ISCA1: variants seen among roughly 807,000 people sequenced by gnomAD.
The protein encoded by ISCA1 is iron-sulfur cluster assembly 1 homolog, mitochondrial.
Under a neutral mutation model 14.7 loss-of-function variants are expected in ISCA1, and 9 were observed. That is an observed-to-expected ratio of 0.61 (90% confidence interval 0.37 to 1.07). ISCA1 has a LOEUF of 1.07. Among genes scored for constraint, ISCA1 ranks in the 50% least tolerant of loss-of-function variants. The pLI is 0.01. For missense variants in ISCA1, 102 were observed against 150.1 expected, an observed-to-expected ratio of 0.68 and a Z score of 1.67; for synonymous variants, 38 against 54.3, an observed-to-expected ratio of 0.70 and a Z score of 1.32.
intron 1 of ISCA1, among the ~76,000 whole-genome samples, chr9:86,277,771 C>T (rs1469742364): frequency 6.6e-6 from 1 of 152,130 alleles, no homozygotes; most frequent in Non-Finnish European, 1.5e-5. Flanking sequence ...TTAAGAGCTT[C>T]CTGAAGCCCA....
chr9:86,268,060 G>A (rs1187697577), intron 3 of ISCA1, among the ~76,000 whole-genome samples: 2 of 151,832 alleles, frequency 1.3e-5, no homozygotes, highest in Non-Finnish European at 2.9e-5. Context: ...ACTGCTTTAT[G>A]TATTTACTAT....
Position 86,265,564 on chromosome 9 carries a change from G to T in ISCA1, c.*479C>A. 1 of 202,532 alleles carries T rather than the reference G, an allele frequency of 4.9e-6. No individual in the cohort carries two copies. The highest frequency in any genetic ancestry group is 1.0e-5 in the Non-Finnish European group (1 of 98,008). 12.5% of individuals were successfully genotyped at this position (202,532 alleles called of 1,614,324 possible). On this transcript the variant is annotated 3_prime_UTR_variant, in exon 4 of 4. Transcript: ENST00000375991. ...GTACTATTAAAGAGTATGCAGTGAG[G>T]CAGCTGACAATGAAATTTTTCATAA...
Position 86,282,503 on chromosome 9 carries a change from G to C in ISCA1, c.-45C>G. 6.5e-7 allele frequency: 1 copy of C among 1,549,846 alleles called. No homozygotes were observed. Among genetic ancestry groups the C allele is most frequent in the Non-Finnish European group, 8.7e-7 (1 of 1,146,672 alleles). ...CGGTGCCTCGGGCCGAAGGTCGGCC[G>C]CCTCAGCTTCTCTCCATGGACACGG... On this transcript the variant is annotated 5_prime_UTR_variant, in exon 1 of 4. Transcript: ENST00000375991.
chr9:86,265,803 A>C lies in ISCA1; in HGVS notation c.*240T>G. On this transcript the variant is annotated 3_prime_UTR_variant, in exon 4 of 4. Coordinates refer to ENST00000375991, the MANE Select transcript of ISCA1 (RefSeq NM_030940.4). ...GTGCCCAGGAAGGCAACTTTAATGA[A>C]ACTGGTTCTAAAACAAAGGATACAA... The C allele has an allele frequency of 1.6e-6, 1 of 629,048 alleles. No individual in the cohort carries two copies. Among genetic ancestry groups the C allele is most frequent in the Non-Finnish European group, 2.8e-6 (1 of 359,230 alleles). 39.0% of individuals were successfully genotyped at this position (629,048 alleles called of 1,614,324 possible). A position where few individuals can be genotyped will look rare whatever the true frequency, so the allele number is the denominator to read the frequency against.
At chr9:86,266,305 C>T (rs1825292635) in intron 3 of ISCA1, 114 bp from the exon 4 acceptor site, 4 of 1,439,112 alleles carry the variant, frequency 2.8e-6, no homozygotes, top group African/African-American at 2.9e-5. Flanking sequence ...AACAAGAAGC[C>T]TTGAACATTT....
intron 1 of ISCA1, among the ~76,000 whole-genome samples, chr9:86,277,246 G>C (rs541760583): frequency 6.6e-6 from 1 of 152,282 alleles, no homozygotes; most frequent in South Asian, 2.1e-4. Flanking sequence ...TAAGGGAAAA[G>C]TAACATTCAA....
chr9:86,273,770 G>C (rs146465267), intron 2 of ISCA1, among the ~76,000 whole-genome samples: 198 of 152,264 alleles, frequency 1.3e-3, no homozygotes, highest in African/African-American at 4.4e-3. Context: ...TCACCTCTCC[G>C]TATCGGTGGG....
chr9:86,281,619 C>T (rs1279483344), intron 1 of ISCA1, among the ~76,000 whole-genome samples: 9 of 152,208 alleles, frequency 5.9e-5, no homozygotes, highest in African/African-American at 1.9e-4. Flanking sequence ...GATTTTCCTT[C>T]CACTAAAAAA....
In ISCA1 at chr9:86,272,081, C is replaced by T. The variant is rs1463087408; in HGVS notation, c.167G>A (p.Gly56Asp). 6.2e-7 allele frequency: 1 copy of T among 1,607,016 alleles called. No homozygotes were observed. Among genetic ancestry groups the T allele is most frequent in the Admixed American group, 1.7e-5 (1 of 59,774 alleles). Residue 56 changes from glycine (G) to aspartate (D), a missense_variant, in exon 3 of 4, where the codon GGC becomes GAC. Physicochemically the swap from Gly to Asp is moderately conservative, Grantham distance 94. Transcript: ENST00000375991. Reference sequence around the variant, plus strand: ...TAGAGTATAAGAAAGGCCATTACAGCCCCTGGTTCGGACACCAACTTTTAC... The same window carrying T: ...TAGAGTATAAGAAAGGCCATTACAGTCCCTGGTTCGGACACCAACTTTTAC... ...VGVKVGVRTR[G>D]CNGLSYTLEY...
intron 1 of ISCA1, among the ~76,000 whole-genome samples, chr9:86,277,888 T>C (rs983095473): frequency 6.6e-6 from 1 of 152,180 alleles, no homozygotes; most frequent in African/African-American, 2.4e-5. Flanking sequence ...AAAATAAATA[T>C]ATTTCCAAGA....
At chr9:86,274,072 A>G (rs1458147166) in intron 2 of ISCA1, 117 bp downstream of exon 2, 4 of 613,230 alleles carry the variant, frequency 6.5e-6, no homozygotes, top group Non-Finnish European at 1.1e-5. Flanking sequence ...AATCCTGAGT[A>G]TATTTTACAT....
At position 86,274,225 on chromosome 9, in the gene ISCA1, G is replaced by A. The variant is rs201972212; in HGVS notation, c.99C>T (p.Asn33=). 3.1e-6 allele frequency: 5 copies of A among 1,591,004 alleles called. No homozygotes were observed. In the African/African-American group the frequency reaches 5.4e-5, roughly 17 times the overall value. The change falls in exon 2 of 4, where the codon AAC becomes AAT. Residue 33 remains asparagine, a synonymous_variant. Coordinates refer to ENST00000375991, the MANE Select transcript of ISCA1 (RefSeq NM_030940.4). ...AALTLTPSAV[N]KIKQLLKDKP... ...TATCTTTAAGAAGTTGTTTTATCTT[G>A]TTTACTGCTGAAGGTGTCTGAAAAA...
chr9:86,282,256 GC>G, intron 1 of ISCA1, 121 bp downstream of exon 1: 2 of 1,102,632 alleles, frequency 1.8e-6, no homozygotes, highest in East Asian at 5.5e-5. Context: ...GCGGGTCGGA[GC>G]GACGCCGAGG....
At chr9:86,281,472 T>C (rs1257095100) in intron 1 of ISCA1, among the ~76,000 whole-genome samples, 2 of 152,164 alleles carry the variant, frequency 1.3e-5, no homozygotes, top group Non-Finnish European at 2.9e-5. Context: ...GGAGTGTATG[T>C]AGGAACGTGA....
At chr9:86,282,017 A>C in intron 1 of ISCA1, 1 of 214,736 alleles carries the variant, frequency 4.7e-6, no homozygotes, top group Non-Finnish European at 9.3e-6. Flanking sequence ...GCCACCGGGC[A>C]CGTTCAGCCT....
intron 1 of ISCA1, among the ~76,000 whole-genome samples, chr9:86,280,957 C>CAAACAAA (rs1009985005): frequency 1.5e-5 from 2 of 129,756 alleles, no homozygotes; most frequent in Admixed American, 7.2e-5. Context: ...AACAAACAAA[C>CAAACAAA]AAACAAAAAA....
At chr9:86,276,856 G>A (rs1825443623) in intron 1 of ISCA1, among the ~76,000 whole-genome samples, 1 of 116,208 alleles carries the variant, frequency 8.6e-6, no homozygotes, top group Non-Finnish European at 1.7e-5. Context: ...GGGAAACAGA[G>A]TGAGACTCTG....
chr9:86,267,061 C>G (rs777921779), intron 3 of ISCA1: 1 of 151,988 alleles, frequency 6.6e-6, no homozygotes. Context: ...CCTGGCTCCA[C>G]TAAAAATACA....
chr9:86,266,288 A>G lies in ISCA1; in HGVS notation c.242-97T>C, dbSNP rs1176383752. ...GAACTTGAAATAGTGACTATCAATG[A>G]AAGTCAAACAAGAAGCCTTGAACAT... On this transcript the variant is annotated intron_variant, in intron 3 of 3. Transcript: ENST00000375991. The G allele has an allele frequency of 3.4e-6, 5 of 1,484,914 alleles. No homozygotes were observed. In the African/African-American group the frequency reaches 7.0e-5, roughly 21 times the overall value. The allele number at this position is 1,484,914 out of a possible 1,614,324, so 92.0% of individuals were successfully genotyped here.
Sources: gnomAD v4.1 joint callset for allele counts (sites outside exome capture counted in the v4.1 genomes callset) on GRCh38, gnomAD v4.1.1 for gene constraint, MANE v1.5 for transcripts, NCBI Gene and HGNC (gene_info 2026-07-23, HGNC 2026-07-21) for gene names.